CDYL: variants seen among roughly 807,000 people sequenced by gnomAD.
The protein encoded by CDYL is chromodomain Y like.
CDYL carries 8 observed loss-of-function variants against 47.3 expected under a neutral mutation model. The ratio of observed to expected loss-of-function variants is 0.17; its 90% CI spans 0.10 to 0.31. CDYL has a LOEUF of 0.31. Among genes scored for constraint, CDYL ranks in the 10% least tolerant of loss-of-function variants. The pLI is 1.00. For synonymous variants in CDYL, 266 were observed against 265.0 expected (o/e 1.00, Z -0.04); for missense variants, 471 against 701.4 (o/e 0.67, Z 3.71).
intron 2 of CDYL, among the ~76,000 whole-genome samples, chr6:4,901,130 G>A (rs909272307): frequency 1.3e-5 from 2 of 151,618 alleles, no homozygotes; most frequent in Non-Finnish European, 2.9e-5. Flanking sequence ...ATTACTTTGG[G>A]CTTATATGAA....
At chr6:4,935,384 A>C in intron 2 of CDYL, 131 bp from the exon 3 acceptor site, 2 of 807,034 alleles carry the variant, frequency 2.5e-6, no homozygotes, top group Non-Finnish European at 3.9e-6. Context: ...TAAAGGTTCT[A>C]AGTTTTAATA....
rs1250460107 is a variant in CDYL, at chr6:4,892,094, G to A, written c.406G>A (p.Ala136Thr). 1 of 1,614,100 alleles carries A rather than the reference G, an allele frequency of 6.2e-7. No homozygotes were observed. Among genetic ancestry groups the A allele is most frequent in the Non-Finnish European group, 8.5e-7 (1 of 1,180,040 alleles). Residue 136 changes from alanine to threonine, a missense_variant, in exon 2 of 7, where the codon GCG (alanine) becomes ACG (threonine). Around this residue, in one of 3 missense-constraint regions of CDYL, gnomAD observed 311 missense variants for 350.0 expected, o/e 0.89. Transcript: ENST00000397588. ...SLSSRKNMDL[A>T]KSGIKILVPK... is the part of the protein sequence containing the mutation. ...CTCCAGCCGGAAGAACATGGACCTA[G>A]CGAAGTCAGGTATCAAGATCCTCGT... is the stretch of plus-strand genomic sequence containing the variant.
intron 1 of CDYL, among the ~76,000 whole-genome samples, chr6:4,844,556 C>T (rs2127460567): frequency 6.6e-6 from 1 of 152,336 alleles, no homozygotes; most frequent in South Asian, 2.1e-4. Flanking sequence ...CAAATTAGTC[C>T]TGCCTTTCTG....
At chr6:4,922,581 GGTGCCCACCAGTAC>G (rs1314144458) in intron 2 of CDYL, among the ~76,000 whole-genome samples, 1 of 152,212 alleles carries the variant, frequency 6.6e-6, no homozygotes, top group Non-Finnish European at 1.5e-5. Flanking sequence ...TAATCCAGGT[GGTGCCCACCAGTAC>G]GTGCTTCAGA....
At chr6:4,779,099 T>C (rs1758544279) in intron 1 of CDYL, among the ~76,000 whole-genome samples, 3 of 152,214 alleles carry the variant, frequency 2.0e-5, no homozygotes, top group Non-Finnish European at 2.9e-5. Flanking sequence ...TGGTTTTGTT[T>C]CTAAAGGTAT....
chr6:4,950,294 G>A (rs949965002), intron 5 of CDYL, among the ~76,000 whole-genome samples: 26 of 152,322 alleles, frequency 1.7e-4, no homozygotes, highest in Admixed American at 6.5e-4. Context: ...CAGGCCTGGC[G>A]GGGTCGCTTG....
intron 6 of CDYL, among the ~76,000 whole-genome samples, chr6:4,953,092 G>A (rs528905934): frequency 6.6e-6 from 1 of 150,712 alleles, no homozygotes; most frequent in African/African-American, 2.4e-5. Flanking sequence ...TTTAATAAAT[G>A]TGCTAAATAG....
chr6:4,734,648 A>AGTGGGGG (rs67832749), intron 2 of CDYL: 2 of 1,387,974 alleles, frequency 1.4e-6, no homozygotes, highest in Admixed American at 2.3e-5. Context: ...CTCCTAATTC[A>AGTGGGGG]GGAAGGGGAG....
intron 2 of CDYL, among the ~76,000 whole-genome samples, chr6:4,920,995 C>CTGTGTGTG (rs112009340): frequency 9.2e-4 from 139 of 150,776 alleles, no homozygotes; most frequent in African/African-American, 1.5e-3. Flanking sequence ...CATGATACAT[C>CTGTGTGTG]TGTGTGTGTG....
chr6:4,851,036 G>A (rs1200790324), intron 1 of CDYL, among the ~76,000 whole-genome samples: 1 of 152,170 alleles, frequency 6.6e-6, no homozygotes. Context: ...TAGTATTTGT[G>A]ATTTAATCAT....
At chr6:4,756,580 A>ATGTGTG (rs4053260) in intron 3 of CDYL, among the ~76,000 whole-genome samples, 136 of 142,924 alleles carry the variant, frequency 9.5e-4, no homozygotes, top group Middle Eastern at 3.8e-3. Context: ...TATCGTGTGT[A>ATGTGTG]TGTGTGTGTG....
chr6:4,722,311 C>T (rs1200353542), intron 2 of CDYL, among the ~76,000 whole-genome samples: 1 of 151,870 alleles, frequency 6.6e-6, no homozygotes, highest in Non-Finnish European at 1.5e-5. Context: ...AAAAATTAAG[C>T]ACTTTGGGAG....
intron 2 of CDYL, among the ~76,000 whole-genome samples, chr6:4,725,083 A>G (rs781413073): frequency 6.6e-6 from 1 of 152,160 alleles, no homozygotes; most frequent in Non-Finnish European, 1.5e-5. Flanking sequence ...GATTAGCTAG[A>G]CACAGAGTGT....
chr6:4,803,976 G>C (rs892516293), intron 1 of CDYL, among the ~76,000 whole-genome samples: 1 of 138,844 alleles, frequency 7.2e-6, no homozygotes, highest in African/African-American at 2.8e-5. Context: ...ATGGCGTAGC[G>C]TGCTTTTTTT....
chr6:4,901,167 C>T (rs566990864), intron 2 of CDYL, among the ~76,000 whole-genome samples: 5 of 152,070 alleles, frequency 3.3e-5, no homozygotes, highest in Admixed American at 3.3e-4. Flanking sequence ...ATTTAGATTT[C>T]TTAGGTCAGA....
chr6:4,750,156 G>A (rs1339235557), intron 3 of CDYL, among the ~76,000 whole-genome samples: 2 of 151,920 alleles, frequency 1.3e-5, no homozygotes, highest in Non-Finnish European at 2.9e-5. Context: ...CTGGGCAACA[G>A]AGCAAGACTC....
intron 1 of CDYL, among the ~76,000 whole-genome samples, chr6:4,778,877 C>T (rs372655555): frequency 7.9e-5 from 12 of 152,156 alleles, no homozygotes; most frequent in East Asian, 7.7e-4. Context: ...AGTCAGACAA[C>T]CCAGTTAGTG....
At chr6:4,920,937 G>A (rs2127508665) in intron 2 of CDYL, among the ~76,000 whole-genome samples, 1 of 152,234 alleles carries the variant, frequency 6.6e-6, no homozygotes, top group East Asian at 1.9e-4. Flanking sequence ...GTTTTAAATT[G>A]CATGTGTGTG....
chr6:4,903,944 G>A (rs557880266), intron 2 of CDYL, among the ~76,000 whole-genome samples: 2 of 152,354 alleles, frequency 1.3e-5, no homozygotes, highest in East Asian at 3.9e-4. Flanking sequence ...GTACCACATG[G>A]CAGGCAGGTG....
Sources: allele counts gnomAD v4.1 joint callset (sites outside exome capture counted in the v4.1 genomes callset), GRCh38; gene constraint gnomAD v4.1.1; regional missense constraint gnomAD v4.1.1; transcripts MANE v1.5; gene names NCBI Gene and HGNC (gene_info 2026-07-23, HGNC 2026-07-21).